CUX1: variants seen among roughly 807,000 people sequenced by gnomAD.
CUX1 encodes protein CASP.
CUX1 carries 31 observed loss-of-function variants against 158.8 expected under a neutral mutation model. That is an observed-to-expected ratio of 0.20 (90% CI 0.15 to 0.26). The LOEUF (loss-of-function observed/expected upper bound fraction) is 0.26, where lower values mean the gene tolerates loss of function less well. Among genes scored for constraint, CUX1 ranks in the 10% least tolerant of loss-of-function variants. The probability of loss-of-function intolerance (pLI) is 1.00; values close to 1 mark genes in which losing one functional copy is unlikely to be tolerated. For missense variants in CUX1, 1,589 were observed against 2,014.6 expected, an observed-to-expected ratio of 0.79 and a Z score of 4.04; for synonymous variants, 879 against 862.1, an observed-to-expected ratio of 1.02 and a Z score of -0.34.
intron 2 of CUX1, among the ~76,000 whole-genome samples, chr7:102,019,019 C>T (rs1190117244): frequency 6.6e-6 from 1 of 152,144 alleles, no homozygotes; most frequent in African/African-American, 2.4e-5. Flanking sequence ...GGCTTAGTGG[C>T]ATTGGCATCC....
Position 101,817,729 on chromosome 7 carries a change from C to G in CUX1, c.30+60C>G, listed in dbSNP as rs573926732. 311 of 1,539,018 alleles carry G rather than the reference C, an allele frequency of 2.0e-4. No individual in the cohort carries two copies. Among genetic ancestry groups the G allele is most frequent in the Non-Finnish European group, 2.1e-4 (235 of 1,141,588 alleles). ...CAGGCGCGGAGGGAACCGGGGATGTCGGGGGGTGCCCGGGTCCCGCGGCTT... is the reference window on the plus strand; with the variant it reads ...CAGGCGCGGAGGGAACCGGGGATGTGGGGGGGTGCCCGGGTCCCGCGGCTT... On this transcript the variant is annotated intron_variant, in intron 1 of 23. Coordinates refer to ENST00000292535, the MANE Select transcript of CUX1 (RefSeq NM_181552.4). This position sits in a 1 kb window ranked among gnomAD's most constrained non-coding sequence, Gnocchi z 4.1.
rs2129087534 is a variant in CUX1 at position 101,916,942 on chromosome 7, G to A, written c.141+717G>A. Reference sequence around the variant, plus strand: ...AAAAAAACATCCAAGCGTGTTGCAGGCAGATGAGCAGTCGCGGGAATGGCT... The same window carrying A: ...AAAAAAACATCCAAGCGTGTTGCAGACAGATGAGCAGTCGCGGGAATGGCT... On this transcript the variant is annotated intron_variant, in intron 2 of 23. Coordinates refer to ENST00000292535, the MANE Select transcript of CUX1 (RefSeq NM_181552.4). This position sits in a 1 kb window ranked among gnomAD's most constrained non-coding sequence, Gnocchi z 4.4. 6.6e-6 allele frequency among the ~76,000 whole-genome samples: 1 copy of A among 152,060 alleles called. No homozygotes were observed. The highest frequency in any genetic ancestry group is 1.9e-4 in the East Asian group (1 of 5,166).
Position 102,205,157 on chromosome 7 carries a change from C to A in CUX1, c.3117C>A (p.Gly1039=). The A allele has an allele frequency of 6.2e-7, 1 of 1,610,576 alleles. No homozygotes were observed. The highest frequency in any genetic ancestry group is 8.5e-7 in the Non-Finnish European group (1 of 1,177,596). ...VTSLQDPLQQ[G]CVSSESTPKT... ...CGCTCCAGGACCCGCTGCAGCAGGGCTGTGTGAGCTCAGGTAAGCAGCCAG... is the reference window on the plus strand; with the variant it reads ...CGCTCCAGGACCCGCTGCAGCAGGGATGTGTGAGCTCAGGTAAGCAGCCAG... Residue 1039 remains glycine, a synonymous_variant, in exon 20 of 24, where the codon GGC becomes GGA. Coordinates refer to ENST00000292535, the MANE Select transcript of CUX1 (RefSeq NM_181552.4).
chr7:101,951,480 C>T (rs976389238), intron 2 of CUX1, among the ~76,000 whole-genome samples: 1 of 151,958 alleles, frequency 6.6e-6, no homozygotes. Flanking sequence ...CAGTACCCTT[C>T]AAAACTCATT....
At chr7:101,990,786 G>A (rs1815004526) in intron 2 of CUX1, among the ~76,000 whole-genome samples, 1 of 152,174 alleles carries the variant, frequency 6.6e-6, no homozygotes, top group African/African-American at 2.4e-5. Context: ...CATGAGCCCA[G>A]GGTTCTCCTA....
chr7:102,219,958 C>T (rs547197605), intron 20 of CUX1, among the ~76,000 whole-genome samples: 3 of 152,340 alleles, frequency 2.0e-5, no homozygotes, highest in Non-Finnish European at 4.4e-5. Flanking sequence ...CCCAGCGTCG[C>T]TGCCATGGTT....
intron 1 of CUX1, among the ~76,000 whole-genome samples, chr7:101,900,142 C>T (rs1023215347): frequency 2.0e-5 from 3 of 152,180 alleles, no homozygotes; most frequent in African/African-American, 7.2e-5. Flanking sequence ...CTGGGCAGCC[C>T]ATGAAGCAGC....
At position 102,196,780 on chromosome 7, in the gene CUX1, A is replaced by G; in HGVS notation, c.1369A>G (p.Ser457Gly). Residue 457 changes from serine to glycine, a missense_variant, in exon 15 of 24, where the codon AGT becomes GGT. Physicochemically the swap from Ser to Gly is moderately conservative, Grantham distance 56 (BLOSUM62 0). Coordinates refer to ENST00000292535, the MANE Select transcript of CUX1 (RefSeq NM_181552.4). Reference protein sequence around the residue: ...GTHQFSPAGLSQDFFSSSLAS... With the variant: ...GTHQFSPAGLGQDFFSSSLAS... Reference sequence around the variant, plus strand: ...ACACCAGTTCTCACCAGCGGGGTTAAGTCAAGACTTTTTCAGCTCATCCCT... The same window carrying G: ...ACACCAGTTCTCACCAGCGGGGTTAGGTCAAGACTTTTTCAGCTCATCCCT... The G allele has an allele frequency of 1.2e-6, 2 of 1,614,174 alleles. No homozygotes were observed. The highest frequency in any genetic ancestry group is 1.7e-6 in the Non-Finnish European group (2 of 1,180,044).
intron 3 of CUX1, among the ~76,000 whole-genome samples, chr7:102,036,867 C>T (rs1300298915): frequency 6.6e-6 from 1 of 151,976 alleles, no homozygotes; most frequent in Non-Finnish European, 1.5e-5. Flanking sequence ...TTTTCATGGT[C>T]CTCTGACGAT....
At chr7:102,273,577 C>A in intron 15 of CUX1, 1 of 1,509,160 alleles carries the variant, frequency 6.6e-7, no homozygotes, top group Non-Finnish European at 9.0e-7. Flanking sequence ...CCCAGATTAG[C>A]CTGTGTATCA....
chr7:101,975,460 G>A (rs1812546571), intron 2 of CUX1, among the ~76,000 whole-genome samples: 1 of 152,078 alleles, frequency 6.6e-6, no homozygotes, highest in East Asian at 1.9e-4. Context: ...AGGAAGCTGA[G>A]GTGGGAGGAT....
downstream of CUX1, among the ~76,000 whole-genome samples, chr7:102,261,272 T>C (rs1554543789): frequency 6.6e-6 from 1 of 152,182 alleles, no homozygotes; most frequent in Non-Finnish European, 1.5e-5. Context: ...GGTGGACAGA[T>C]CACCTGAGGT....
intron 1 of CUX1, among the ~76,000 whole-genome samples, chr7:101,875,124 C>T (rs1420538948): frequency 5.3e-5 from 8 of 152,178 alleles, no homozygotes; most frequent in African/African-American, 1.9e-4. Context: ...GCCTTGTACA[C>T]ACCCTCTCTT....
intron 2 of CUX1, among the ~76,000 whole-genome samples, chr7:101,939,061 ATATATATAT>A (rs1807340590): frequency 0.01 from 7 of 676 alleles, no homozygotes; most frequent in African/African-American, 0.024. Context: ...AAAAATACAT[ATATATATAT>A]ATATATATAT....
chr7:102,024,824 C>T (rs938801180), intron 2 of CUX1, among the ~76,000 whole-genome samples: 2 of 152,172 alleles, frequency 1.3e-5, no homozygotes, highest in Non-Finnish European at 2.9e-5. Flanking sequence ...TTCTGAAAAG[C>T]ACAGTGGGTG....
At chr7:102,118,123 G>A (rs1831629180) in intron 8 of CUX1, among the ~76,000 whole-genome samples, 1 of 152,196 alleles carries the variant, frequency 6.6e-6, no homozygotes, top group Non-Finnish European at 1.5e-5. Flanking sequence ...CAACCTACAT[G>A]TATTTTATTA....
intron 4 of CUX1, among the ~76,000 whole-genome samples, chr7:102,088,499 T>A (rs992556841): frequency 6.6e-6 from 1 of 151,992 alleles, no homozygotes. Context: ...CTGGGTGTGA[T>A]GGTGCACACC....
At position 102,158,686 on chromosome 7, in the gene CUX1, G is replaced by A. The variant is rs1210074355; in HGVS notation, c.723+78G>A. The A allele has an allele frequency of 3.9e-5, 53 of 1,360,538 alleles. 1 individual carries two copies. Among genetic ancestry groups the A allele is most frequent in the South Asian group, 7.1e-5 (6 of 85,048 alleles). 84.3% of individuals were successfully genotyped at this position (1,360,538 alleles called of 1,614,324 possible). ...TGGCATCTCGGAAGATGCGTCACCC[G>A]AAGTTAGAAGGCCGGTTATCCTTCC... On this transcript the variant is annotated intron_variant, in intron 9 of 23. Coordinates refer to ENST00000292535, the MANE Select transcript of CUX1 (RefSeq NM_181552.4).
chr7:101,988,381 C>T (rs372616364), intron 2 of CUX1, among the ~76,000 whole-genome samples: 10 of 152,098 alleles, frequency 6.6e-5, no homozygotes, highest in Non-Finnish European at 1.0e-4. Context: ...TTAACTGTGG[C>T]GCCCACTCCA....
Sources: allele counts gnomAD v4.1 joint callset (sites outside exome capture counted in the v4.1 genomes callset), GRCh38; gene constraint gnomAD v4.1.1; non-coding constraint Gnocchi (gnomAD v3.1); transcripts MANE v1.5; gene names NCBI Gene and HGNC (gene_info 2026-07-23, HGNC 2026-07-21).